The following FMN2 variants were observed in gnomAD, a reference collection of about 807,000 sequenced individuals.
FMN2 encodes formin 2.
A neutral mutation model predicts 142.3 loss-of-function variants in FMN2; 51 were observed. The ratio of observed to expected loss-of-function variants is 0.36; its 90% CI spans 0.29 to 0.45. The LOEUF is 0.45. Ranked by LOEUF, FMN2 falls within the 20% of genes least tolerant of loss-of-function variation. The pLI is 1.00. For missense variants in FMN2, 1,936 were observed against 2,122.8 expected, an observed-to-expected ratio of 0.91 and a Z score of 1.73; for synonymous variants, 882 against 869.8, an observed-to-expected ratio of 1.01 and a Z score of -0.25.
chr1:240,421,481 G>A (rs868443926), intron 15 of FMN2, among the ~76,000 whole-genome samples: 7 of 152,070 alleles, frequency 4.6e-5, no homozygotes, highest in East Asian at 1.9e-4. Context: ...ATGGGAGATC[G>A]GATGTCTATG....
intron 6 of FMN2, among the ~76,000 whole-genome samples, chr1:240,241,402 GCAAATTC>G (rs1415308368): frequency 1.3e-5 from 2 of 152,032 alleles, no homozygotes; most frequent in African/African-American, 4.8e-5. Context: ...TTTTTTGTTA[GCAAATTC>G]CTGTGCTGTA....
intron 7 of FMN2, among the ~76,000 whole-genome samples, chr1:240,292,095 ATGTTCTATGTT>A (rs1669813695): frequency 6.6e-6 from 1 of 151,776 alleles, no homozygotes; most frequent in Non-Finnish European, 1.5e-5. Context: ...GTTCGATTCC[ATGTTCTATGTT>A]TGTTCCACAT....
At chr1:240,402,902 T>C (rs1674037209) in intron 15 of FMN2, among the ~76,000 whole-genome samples, 1 of 152,238 alleles carries the variant, frequency 6.6e-6, no homozygotes, top group South Asian at 2.1e-4. Context: ...GACTTTTTTC[T>C]TCTATTTCTT....
chr1:240,092,053 G>A lies in FMN2; in HGVS notation c.-57G>A. On this transcript the variant is annotated 5_prime_UTR_variant, in exon 1 of 18. Transcript: ENST00000319653. ...CCCTAGGCCCGGACCTGGGGCCGAG[G>A]AGGGCCGGGATGGCCTGAGTGCCCG... is the stretch of plus-strand genomic sequence containing the variant. 1 of 1,501,186 alleles carries A rather than the reference G, an allele frequency of 6.7e-7. No homozygotes were observed. The highest frequency in any genetic ancestry group is 8.9e-7 in the Non-Finnish European group (1 of 1,129,254). The allele number at this position is 1,501,186 out of a possible 1,614,324, so 93.0% of individuals were successfully genotyped here. A position where few individuals can be genotyped will look rare whatever the true frequency, so the allele number is the denominator to read the frequency against.
At chr1:240,115,116 G>A (rs980482054) in intron 1 of FMN2, among the ~76,000 whole-genome samples, 2 of 152,094 alleles carry the variant, frequency 1.3e-5, no homozygotes, top group African/African-American at 4.8e-5. Context: ...GCATTCTTCA[G>A]TGATAGCTGA....
chr1:240,463,468 A>G (rs1676513495), intron 16 of FMN2, among the ~76,000 whole-genome samples: 1 of 152,164 alleles, frequency 6.6e-6, no homozygotes, highest in Non-Finnish European at 1.5e-5. Context: ...CTTGGGAGAA[A>G]GGTCAAGGCT....
chr1:240,428,712 T>C (rs972931684), intron 15 of FMN2, among the ~76,000 whole-genome samples: 13 of 152,216 alleles, frequency 8.5e-5, no homozygotes, highest in African/African-American at 1.2e-4. Context: ...CTAGTTAACA[T>C]ATGCATTACC....
At chr1:240,394,700 G>A (rs889114700) in intron 15 of FMN2, among the ~76,000 whole-genome samples, 2 of 152,172 alleles carry the variant, frequency 1.3e-5, no homozygotes, top group Admixed American at 1.3e-4. Context: ...GGGCGTGGTG[G>A]CTCAAGCCTG....
chr1:240,406,860 A>C (rs1674224316), intron 15 of FMN2, among the ~76,000 whole-genome samples: 2 of 152,174 alleles, frequency 1.3e-5, no homozygotes, highest in African/African-American at 4.8e-5. Context: ...GGAGATGGGA[A>C]GGGCTAGTGA....
intron 14 of FMN2, among the ~76,000 whole-genome samples, chr1:240,388,227 C>CGTGGTACAAAAAA (rs1673473513): frequency 1.7e-4 from 1 of 6,054 alleles, no homozygotes; most frequent in Non-Finnish European, 2.6e-4. Flanking sequence ...GTGCTCAAAG[C>CGTGGTACAAAAAA]AAAAAAAAAA....
chr1:240,224,849 A>G (rs1451270409), intron 6 of FMN2, among the ~76,000 whole-genome samples: 2 of 152,170 alleles, frequency 1.3e-5, no homozygotes, highest in African/African-American at 2.4e-5. Context: ...AAATGTAGCA[A>G]TGTGTAAGAA....
intron 2 of FMN2, among the ~76,000 whole-genome samples, chr1:240,148,309 GAGAC>G (rs200306574): frequency 8.4e-5 from 12 of 142,750 alleles, no homozygotes; most frequent in East Asian, 8.2e-4. Context: ...CAGAGAGAGA[GAGAC>G]AGACAGAAAC....
intron 2 of FMN2, chr1:240,143,477 CCTT>C: frequency 6.5e-7 from 1 of 1,539,156 alleles, no homozygotes; most frequent in Admixed American, 1.7e-5. Flanking sequence ...TTGTCCTTGT[CCTT>C]CTTTTCCTTC....
At chr1:240,342,433 G>T (rs1671775192) in intron 13 of FMN2, among the ~76,000 whole-genome samples, 1 of 152,148 alleles carries the variant, frequency 6.6e-6, no homozygotes, top group African/African-American at 2.4e-5. Flanking sequence ...TGAGTAATTT[G>T]ATTCTTGTAG....
chr1:240,340,464 C>T (rs1572210578), intron 13 of FMN2, among the ~76,000 whole-genome samples: 1 of 151,968 alleles, frequency 6.6e-6, no homozygotes, highest in Non-Finnish European at 1.5e-5. Flanking sequence ...GCCTGTAATC[C>T]CAGCTACTCG....
At chr1:240,356,739 A>C (rs1672285882) in intron 14 of FMN2, among the ~76,000 whole-genome samples, 1 of 152,194 alleles carries the variant, frequency 6.6e-6, no homozygotes, top group Non-Finnish European at 1.5e-5. Flanking sequence ...GAGGCCAAGA[A>C]CACTCTGAAG....
At chr1:240,344,865 T>C (rs1185026184) in intron 13 of FMN2, among the ~76,000 whole-genome samples, 1 of 152,222 alleles carries the variant, frequency 6.6e-6, no homozygotes, top group East Asian at 1.9e-4. Flanking sequence ...GTACTTTGCA[T>C]ACTTTGCACA....
rs1034140733 is a variant in FMN2, at chr1:240,170,686, G to T, written c.1783-7235G>T. On this transcript the variant is annotated intron_variant, in intron 2 of 17. Transcript: ENST00000319653. Reference sequence around the variant, plus strand: ...ACCTTTGGATAAAGTCTGCCTTCTAGGTTGTGGCATTTCAGCTGGTTATGG... The same window carrying T: ...ACCTTTGGATAAAGTCTGCCTTCTATGTTGTGGCATTTCAGCTGGTTATGG... 3.7e-5 allele frequency: 58 copies of T among 1,570,288 alleles called. No homozygotes were observed. The African/African-American group carries it at 6.5e-4, about 18-fold the overall frequency.
intron 2 of FMN2, among the ~76,000 whole-genome samples, chr1:240,127,708 G>A (rs1405696881): frequency 6.6e-6 from 1 of 152,138 alleles, no homozygotes; most frequent in East Asian, 1.9e-4. Flanking sequence ...TTGAACTCCT[G>A]GGGTCAAGCA....
Sources: allele counts gnomAD v4.1 joint callset (sites outside exome capture counted in the v4.1 genomes callset), GRCh38; gene constraint gnomAD v4.1.1; transcripts MANE v1.5; gene names NCBI Gene and HGNC (gene_info 2026-07-23, HGNC 2026-07-21).